Variants in FAM24B observed in about 807,000 individuals in gnomAD.
FAM24B encodes family with sequence similarity 24 member B.
Under a neutral mutation model 2.3 loss-of-function variants are expected in FAM24B, and 3 were observed. The ratio of observed to expected loss-of-function variants is 1.29; its 90% CI spans 0.59 to 3.32. The LOEUF (loss-of-function observed/expected upper bound fraction) is 3.32, where lower values mean the gene tolerates loss of function less well. FAM24B is among the 30% of genes most tolerant of loss of function. The pLI is 0.03. For missense variants in FAM24B, 98 were observed against 117.2 expected (o/e 0.84, Z 0.76); for synonymous variants, 36 against 46.3 (o/e 0.78, Z 0.90).
chr10:122,868,770 C>T (rs944151472), intron 1 of FAM24B, among the ~76,000 whole-genome samples: 1 of 152,130 alleles, frequency 6.6e-6, no homozygotes, highest in Non-Finnish European at 1.5e-5. Context: ...CCCTAAAAGA[C>T]CTCCTGAAGG....
chr10:122,859,589 A>G (rs1015885594), intron 1 of FAM24B, among the ~76,000 whole-genome samples: 1 of 152,178 alleles, frequency 6.6e-6, no homozygotes, highest in Non-Finnish European at 1.5e-5. Context: ...CCAGGGTGCA[A>G]TGGCAGAGCC....
chr10:122,861,802 C>T (rs755043590), intron 1 of FAM24B, among the ~76,000 whole-genome samples: 2 of 152,174 alleles, frequency 1.3e-5, no homozygotes, highest in Non-Finnish European at 2.9e-5. Flanking sequence ...GAGCTCACAT[C>T]CTGAGCCACT....
intron 1 of FAM24B, among the ~76,000 whole-genome samples, chr10:122,862,037 T>C (rs1847732050): frequency 6.6e-6 from 1 of 152,218 alleles, no homozygotes; most frequent in Non-Finnish European, 1.5e-5. Flanking sequence ...CCTCCTTCCC[T>C]TACTGTGCAG....
chr10:122,870,720 TTGACAAAATTCAACAACC>T (rs1847882638), intron 1 of FAM24B, among the ~76,000 whole-genome samples: 2 of 152,188 alleles, frequency 1.3e-5, no homozygotes. Context: ...GAAAAGGCCT[TTGACAAAATTCAACAACC>T]TTCATGCTAA....
chr10:122,849,236 C>T lies in FAM24B; in HGVS notation c.*11G>A. ...TTGCTCATGAAGATTTTTGTGCCCA[C>T]CTTTCCTAACTCAGAGGCCCTCATT... On this transcript the variant is annotated 3_prime_UTR_variant, in exon 4 of 4. Coordinates refer to ENST00000368898, the MANE Select transcript of FAM24B (RefSeq NM_152644.3). The T allele has an allele frequency of 6.5e-7, 1 of 1,528,736 alleles. No individual in the cohort carries two copies. The highest frequency in any genetic ancestry group is 8.8e-7 in the Non-Finnish European group (1 of 1,133,888). 94.7% of individuals were successfully genotyped at this position (1,528,736 alleles called of 1,614,324 possible). A position where few individuals can be genotyped will look rare whatever the true frequency, so the allele number is the denominator to read the frequency against.
chr10:122,849,320 C>T lies in FAM24B; in HGVS notation c.212G>A (p.Cys71Tyr). The T allele has an allele frequency of 6.2e-7, 1 of 1,612,274 alleles. No individual in the cohort carries two copies. The highest frequency in any genetic ancestry group is 1.1e-5 in the South Asian group (1 of 90,612). ...ATESCPALQC[C>Y]EGYRMCASFD... is the part of the protein sequence containing the mutation. ...ACTGGCACACATTCTATATCCTTCA[C>T]AGCACTGCAGGGCAGGACAAGACTC... Residue 71 changes from cysteine to tyrosine, a missense_variant, in exon 4 of 4, where the codon TGT (cysteine) becomes TAT (tyrosine). Coordinates refer to ENST00000368898, the MANE Select transcript of FAM24B (RefSeq NM_152644.3).
intron 1 of FAM24B, among the ~76,000 whole-genome samples, chr10:122,863,613 T>A (rs1223768170): frequency 6.6e-6 from 1 of 152,244 alleles, no homozygotes; most frequent in Admixed American, 6.5e-5. Flanking sequence ...ACACTGTTAT[T>A]TTATTTTATT....
chr10:122,864,385 G>C (rs1847768634), intron 1 of FAM24B, among the ~76,000 whole-genome samples: 1 of 152,118 alleles, frequency 6.6e-6, no homozygotes, highest in Non-Finnish European at 1.5e-5. Context: ...GGTCACTGTT[G>C]CATAATATCA....
intron 1 of FAM24B, among the ~76,000 whole-genome samples, chr10:122,857,194 GA>G (rs1334871332): frequency 6.6e-6 from 1 of 152,174 alleles, no homozygotes; most frequent in Admixed American, 6.5e-5. Flanking sequence ...GATCTACCCA[GA>G]TAATCTCTAT....
In FAM24B at chr10:122,850,430, G is replaced by A. The variant is rs139313059; in HGVS notation, c.86C>T (p.Ala29Val). Reference sequence around the variant, plus strand: ...TTTTGAACTTGTGACTCACTTTAGCGCGTTGTGTATTTTGAAGTAAAGACA... The same window carrying A: ...TTTTGAACTTGTGACTCACTTTAGCACGTTGTGTATTTTGAAGTAAAGACA... ...VLCLYFKIHN[A>V]LKAAKEPEAV... The change falls in exon 3 of 4, where the codon GCG becomes GTG. Residue 29 changes from alanine (A) to valine (V), a missense_variant. Physicochemically the swap from Ala to Val is moderately conservative, Grantham distance 64 (BLOSUM62 0). Coordinates refer to ENST00000368898, the MANE Select transcript of FAM24B (RefSeq NM_152644.3). The A allele has an allele frequency of 1.7e-5, 28 of 1,613,304 alleles. No individual in the cohort carries two copies. The highest frequency in any genetic ancestry group is 1.7e-4 in the Middle Eastern group (1 of 6,060).
intron 1 of FAM24B, among the ~76,000 whole-genome samples, chr10:122,874,495 T>C (rs1026977007): frequency 6.6e-6 from 1 of 152,222 alleles, no homozygotes; most frequent in African/African-American, 2.4e-5. Flanking sequence ...TTAAGTCTCC[T>C]TCACTTCTGA....
intron 3 of FAM24B, among the ~76,000 whole-genome samples, chr10:122,849,661 T>G (rs1324509042): frequency 1.3e-5 from 2 of 151,660 alleles, no homozygotes. Flanking sequence ...CAAGAGTGAG[T>G]GATTTTGCAA....
intron 1 of FAM24B, among the ~76,000 whole-genome samples, chr10:122,872,315 G>C (rs1317530157): frequency 6.6e-6 from 1 of 152,190 alleles, no homozygotes; most frequent in Non-Finnish European, 1.5e-5. Flanking sequence ...TGGAGAAACA[G>C]GAACACTTTT....
Position 122,849,388 on chromosome 10 carries a change from C to A in FAM24B, c.144G>T (p.Lys48Asn). The A allele has an allele frequency of 6.2e-7, 1 of 1,613,172 alleles. No individual in the cohort carries two copies. The highest frequency in any genetic ancestry group is 1.3e-5 in the African/African-American group (1 of 74,992). ...AVAVKNHNPD[K>N]VWWAKNSQAK... is the part of the protein sequence containing the mutation. ...CCTGGCTGTTCTTGGCCCACCACAC[C>A]TTGTCTGGGTTGTGATTTTTTACAG... Residue 48 changes from lysine to asparagine, a missense_variant, in exon 4 of 4, where the codon AAG (lysine) becomes AAT (asparagine). Transcript: ENST00000368898.
chr10:122,876,585 G>T (rs976518709), intron 1 of FAM24B, among the ~76,000 whole-genome samples: 2 of 152,170 alleles, frequency 1.3e-5, no homozygotes, highest in African/African-American at 4.8e-5. Context: ...TCAGCATCCA[G>T]CAAGTCATCA....
chr10:122,867,885 TCTC>T lies in FAM24B; in HGVS notation c.-178+11597_-178+11599del, dbSNP rs1847826617. On this transcript the variant is annotated intron_variant, in intron 1 of 3. Transcript: ENST00000368898. ...CGGAAACTCTAAAAATCAGAGCGCC[TCTC>T]CTCCTCCAAAGGAACGCAGCTCCTC... 2.6e-5 allele frequency among the ~76,000 whole-genome samples: 4 copies of T among 152,042 alleles called. No individual in the cohort carries two copies. In the South Asian group the frequency reaches 8.3e-4, roughly 31 times the overall value.
intron 2 of FAM24B, among the ~76,000 whole-genome samples, chr10:122,852,227 G>A (rs1847550951): frequency 6.6e-6 from 1 of 152,156 alleles, no homozygotes; most frequent in Non-Finnish European, 1.5e-5. Context: ...AAGTCACAGG[G>A]CAAACAGCCA....
rs751723993 is a variant in FAM24B at position 122,849,425 on chromosome 10, G to A, written c.107C>T (p.Pro36Leu). 2.5e-6 allele frequency: 4 copies of A among 1,609,072 alleles called. No homozygotes were observed. Among genetic ancestry groups the A allele is most frequent in the South Asian group, 1.1e-5 (1 of 89,936 alleles). The change falls in exon 4 of 4, where the codon CCT (proline) becomes CTT (leucine). Residue 36 changes from proline (P) to leucine (L), a missense_variant. Physicochemically the swap from Pro to Leu is moderately conservative, Grantham distance 98 (BLOSUM62 -3). Coordinates refer to ENST00000368898, the MANE Select transcript of FAM24B (RefSeq NM_152644.3). ...IHNALKAAKE[P>L]EAVAVKNHNP... ...GTGATTTTTTACAGCCACAGCTTCAGGTTCCTTTGCAGCTCTTGAGAAAAG... is the reference window on the plus strand; with the variant it reads ...GTGATTTTTTACAGCCACAGCTTCAAGTTCCTTTGCAGCTCTTGAGAAAAG...
chr10:122,860,379 T>A (rs1468862012), intron 1 of FAM24B, among the ~76,000 whole-genome samples: 1 of 152,230 alleles, frequency 6.6e-6, no homozygotes, highest in Non-Finnish European at 1.5e-5. Flanking sequence ...GAAGTACTAT[T>A]CTGTTGTTTG....
Sources: allele counts gnomAD v4.1 joint callset (sites outside exome capture counted in the v4.1 genomes callset), GRCh38; gene constraint gnomAD v4.1.1; transcripts MANE v1.5; gene names NCBI Gene and HGNC (gene_info 2026-07-23, HGNC 2026-07-21).